VPS13B: variants seen among roughly 807,000 people sequenced by gnomAD.
VPS13B encodes vacuolar protein sorting 13 homolog B, also known as intermembrane lipid transfer protein VPS13B.
In VPS13B, 285 loss-of-function variants were observed where a neutral mutation model predicts 426.4. The ratio of observed to expected loss-of-function variants is 0.67; its 90% confidence interval spans 0.61 to 0.74. The LOEUF is 0.74. Among genes scored for constraint, VPS13B ranks in the 30% least tolerant of loss-of-function variants. The pLI is 0.00. For synonymous variants in VPS13B, 1,676 were observed against 1,676.4 expected (o/e 1.00, Z 0.01); for missense variants, 4,537 against 4,782.6 (o/e 0.95, Z 1.51).
intron 28 of VPS13B, chr8:99,507,622 G>T (rs1369868969): frequency 1.7e-6 from 2 of 1,191,810 alleles, no homozygotes; most frequent in South Asian, 2.7e-5. Context: ...GCAGAAGATG[G>T]TCCAGGCAGA....
intron 23 of VPS13B, among the ~76,000 whole-genome samples, chr8:99,459,797 G>A (rs1490694977): frequency 1.3e-5 from 2 of 152,082 alleles, no homozygotes; most frequent in African/African-American, 4.8e-5. Context: ...GTTGTTAGAT[G>A]TATATGTACC....
intron 15 of VPS13B, among the ~76,000 whole-genome samples, chr8:99,157,202 A>G (rs533041311): frequency 1.3e-5 from 2 of 151,794 alleles, no homozygotes; most frequent in African/African-American, 4.8e-5. Flanking sequence ...TTTTAAATAC[A>G]GGCATATGCC....
intron 39 of VPS13B, among the ~76,000 whole-genome samples, chr8:99,740,748 G>A (rs1009342012): frequency 2.0e-5 from 3 of 152,100 alleles, no homozygotes; most frequent in Non-Finnish European, 4.4e-5. Context: ...AGGAGAAATA[G>A]AATACTATAC....
chr8:99,514,567 G>C (rs1197753346), intron 29 of VPS13B, among the ~76,000 whole-genome samples: 1 of 152,124 alleles, frequency 6.6e-6, no homozygotes. Flanking sequence ...ACTTTACTTA[G>C]CATAATGTTT....
chr8:99,372,909 C>G (rs999298892), intron 19 of VPS13B, among the ~76,000 whole-genome samples: 3 of 152,154 alleles, frequency 2.0e-5, no homozygotes, highest in Non-Finnish European at 4.4e-5. Context: ...GACTTGTAAC[C>G]CATCCAAATG....
chr8:99,717,530 G>A (rs1327065684), intron 37 of VPS13B, among the ~76,000 whole-genome samples, 157 bp downstream of exon 37: 1 of 152,046 alleles, frequency 6.6e-6, no homozygotes, highest in African/African-American at 2.4e-5. Flanking sequence ...TGAGATATAA[G>A]TCATATACCA....
chr8:99,706,569 T>C (rs1240028258), intron 36 of VPS13B, among the ~76,000 whole-genome samples: 1 of 152,166 alleles, frequency 6.6e-6, no homozygotes, highest in Non-Finnish European at 1.5e-5. Context: ...TCAGATCTTA[T>C]CTTTAACCAA....
intron 36 of VPS13B, among the ~76,000 whole-genome samples, chr8:99,702,866 G>A (rs1254927473): frequency 1.3e-5 from 2 of 152,058 alleles, no homozygotes; most frequent in Non-Finnish European, 2.9e-5. Context: ...TTTAGGAGCC[G>A]AAATAGATTT....
Position 99,556,537 on chromosome 8 carries a change from T to G in VPS13B, c.4833T>G (p.Ile1611Met). 1 of 1,613,292 alleles carries G rather than the reference T, an allele frequency of 6.2e-7. No homozygotes were observed. The highest frequency in any genetic ancestry group is 8.5e-7 in the Non-Finnish European group (1 of 1,179,508). ...AAATAGATCTGCAGTCCATCAATAT[T>G]GGTACTGCACAGTGGCATCAACTAA... Reference protein sequence around the residue: ...QYQIDLQSINIGTAQWHQLKP... With the variant: ...QYQIDLQSINMGTAQWHQLKP... Residue 1611 changes from isoleucine to methionine, a missense_variant, in exon 31 of 62, where the codon ATT (isoleucine) becomes ATG (methionine). Physicochemically the swap from Ile to Met is conservative, Grantham distance 10. Transcript: ENST00000357162.
At chr8:99,293,271 G>C (rs1158994608) in intron 19 of VPS13B, among the ~76,000 whole-genome samples, 1 of 126,288 alleles carries the variant, frequency 7.9e-6, no homozygotes, top group African/African-American at 3.1e-5. Context: ...TGACAAACCT[G>C]AGAAAAACAA....
Position 99,628,633 on chromosome 8 carries a change from CTT to C in VPS13B, c.5221-13176_5221-13175del, listed in dbSNP as rs547658001. On this transcript the variant is annotated intron_variant, in intron 33 of 61. Coordinates refer to ENST00000357162, the MANE Select transcript of VPS13B (RefSeq NM_152564.5). ...ATGTGGACAACCACAACAACAAAAA[CTT>C]TAAAGATTTTTGAGTCATGGTTAAG... Among the ~76,000 whole-genome samples the C allele has an allele frequency of 5.5e-4, 83 of 152,250 alleles. 2 individuals carry two copies. In the South Asian group the frequency reaches 0.017, roughly 31 times the overall value.
chr8:99,800,896 T>G (rs1262479398), intron 43 of VPS13B, among the ~76,000 whole-genome samples: 1 of 152,196 alleles, frequency 6.6e-6, no homozygotes, highest in Non-Finnish European at 1.5e-5. Context: ...CCTTAATGTT[T>G]GCTAGAAACA....
intron 3 of VPS13B, among the ~76,000 whole-genome samples, chr8:99,043,034 A>T (rs1843045140): frequency 6.6e-6 from 1 of 152,210 alleles, no homozygotes; most frequent in African/African-American, 2.4e-5. Flanking sequence ...TCCACTGTAG[A>T]GCAGGGAAAT....
intron 24 of VPS13B, among the ~76,000 whole-genome samples, chr8:99,481,322 A>G (rs879760972): frequency 9.9e-5 from 15 of 152,238 alleles, no homozygotes; most frequent in East Asian, 5.8e-4. Flanking sequence ...TATGTGTTCT[A>G]TTGTTCACAT....
intron 56 of VPS13B, among the ~76,000 whole-genome samples, chr8:99,858,841 A>G (rs1816687114): frequency 3.3e-5 from 5 of 152,182 alleles, no homozygotes; most frequent in Admixed American, 2.6e-4. Context: ...TCTTGTCAGA[A>G]GTTTGCATCC....
intron 3 of VPS13B, among the ~76,000 whole-genome samples, chr8:99,076,627 T>TC (rs1845138784): frequency 1.3e-5 from 2 of 151,604 alleles, no homozygotes; most frequent in Non-Finnish European, 2.9e-5. Context: ...TTTTTTTTTT[T>TC]ACAGTTTTTC....
chr8:99,090,826 T>A (rs1304664326), intron 3 of VPS13B, among the ~76,000 whole-genome samples: 1 of 152,144 alleles, frequency 6.6e-6, no homozygotes. Context: ...GATGGTAGAA[T>A]GTGGTTTAGA....
At chr8:99,515,377 G>T (rs894468068) in intron 29 of VPS13B, among the ~76,000 whole-genome samples, 1 of 151,730 alleles carries the variant, frequency 6.6e-6, no homozygotes, top group Non-Finnish European at 1.5e-5. Flanking sequence ...TGCTGCTGCT[G>T]CTGCTGCTGC....
rs1320736394 is a variant in VPS13B at position 99,183,086 on chromosome 8, G to A, written c.2334-9790G>A. Among the ~76,000 whole-genome samples, 12 of 152,136 alleles carry A rather than the reference G, an allele frequency of 7.9e-5. No individual in the cohort carries two copies. The East Asian group carries it at 1.4e-3, about 17-fold the overall frequency. ...AGGCCGTCATGGAAAAAAAAGAGGA[G>A]GAAGACTATAATTCACCTTGGTATT... On this transcript the variant is annotated intron_variant, in intron 16 of 61. Coordinates refer to ENST00000357162, the MANE Select transcript of VPS13B (RefSeq NM_152564.5).
Sources: gnomAD v4.1 joint callset for allele counts (sites outside exome capture counted in the v4.1 genomes callset) on GRCh38, gnomAD v4.1.1 for gene constraint, MANE v1.5 for transcripts, NCBI Gene and HGNC (gene_info 2026-07-23, HGNC 2026-07-21) for gene names.